NPY: variants seen among roughly 807,000 people sequenced by gnomAD.
The protein encoded by NPY is neuropeptide Y, also known as pro-neuropeptide Y.
A neutral mutation model predicts 13.2 loss-of-function variants in NPY; 11 were observed. The observed-to-expected ratio is 0.83, with a 90% CI of 0.52 to 1.38. The LOEUF is 1.38. Among genes scored for constraint, NPY ranks in the 40% most tolerant of loss-of-function variants. The pLI, the probability that NPY is intolerant of heterozygous loss-of-function variation, is 0.00. For synonymous variants in NPY, 51 were observed against 55.6 expected (o/e 0.92, Z 0.37); for missense variants, 109 against 125.1 (o/e 0.87, Z 0.61).
intron 1 of NPY, chr7:24,284,972 T>C (rs1274873523): frequency 7.3e-6 from 4 of 550,030 alleles, no homozygotes; most frequent in Non-Finnish European, 6.5e-6. Flanking sequence ...CCTTGCACTC[T>C]CGCCGCGCGC....
At chr7:24,286,173 GA>G (rs1787368924) in intron 2 of NPY, among the ~76,000 whole-genome samples, 1 of 152,134 alleles carries the variant, frequency 6.6e-6, no homozygotes, top group Non-Finnish European at 1.5e-5. Flanking sequence ...TGAATTCAGG[GA>G]TTACATGGAA....
At chr7:24,290,496 C>G (rs1223705595) in intron 3 of NPY, among the ~76,000 whole-genome samples, 1 of 152,128 alleles carries the variant, frequency 6.6e-6, no homozygotes, top group African/African-American at 2.4e-5. Flanking sequence ...GGCTCTCCAT[C>G]AAGTTCTCCC....
rs1583569775 is a variant in NPY at position 24,285,078 on chromosome 7, T to G, written c.1-163T>G. ...CGGACGGCGCCCGGAGCCCGCAAGG[T>G]GGTGCTAGCCACTCCTGGGTTCTCT... On this transcript the variant is annotated intron_variant, in intron 1 of 3. Coordinates refer to ENST00000242152, the MANE Select transcript of NPY (RefSeq NM_000905.4). The surrounding 1 kb of genome is among the most constrained non-coding windows in gnomAD (Gnocchi z 4.9). 2.8e-6 allele frequency: 2 copies of G among 706,904 alleles called. No individual in the cohort carries two copies. Among genetic ancestry groups the G allele is most frequent in the Non-Finnish European group, 4.7e-6 (2 of 423,244 alleles). The allele number at this position is 706,904 out of a possible 1,614,324, so 43.8% of individuals were successfully genotyped here.
intron 2 of NPY, among the ~76,000 whole-genome samples, chr7:24,286,770 A>G (rs778422784): frequency 7.2e-5 from 11 of 152,250 alleles, no homozygotes; most frequent in Non-Finnish European, 1.5e-4. Context: ...TACTTCCCAG[A>G]AAGTTAATTG....
In NPY at chr7:24,285,442, C is replaced by A; in HGVS notation, c.188+14C>A. 6.2e-7 allele frequency: 1 copy of A among 1,604,608 alleles called. No individual in the cohort carries two copies. Among genetic ancestry groups the A allele is most frequent in the Non-Finnish European group, 8.5e-7 (1 of 1,173,008 alleles). On this transcript the variant is annotated intron_variant, in intron 2 of 3. Coordinates refer to ENST00000242152, the MANE Select transcript of NPY (RefSeq NM_000905.4). This position sits in a 1 kb window ranked among gnomAD's most constrained non-coding sequence, Gnocchi z 4.9. ...CACCAGGCAGAGGTGGGTGGGACCGCGGGACCGATTCCGGGAGCGCCAGTG... is the reference window on the plus strand; with the variant it reads ...CACCAGGCAGAGGTGGGTGGGACCGAGGGACCGATTCCGGGAGCGCCAGTG...
Position 24,291,651 on chromosome 7 carries a change from T to C in NPY, c.270-12T>C, listed in dbSNP as rs903538901. The C allele has an allele frequency of 3.7e-6, 6 of 1,614,078 alleles. No individual in the cohort carries two copies. Among genetic ancestry groups the C allele is most frequent in the Non-Finnish European group, 5.1e-6 (6 of 1,179,982 alleles). ...AGCTTTCCTTACATGCTTTGCTTCT[T>C]ATGTTTTACAGGCTTGAAGACCCTG... On this transcript the variant is annotated splice_polypyrimidine_tract_variant and intron_variant, in intron 3 of 3. Transcript: ENST00000242152.
intron 3 of NPY, among the ~76,000 whole-genome samples, chr7:24,290,102 T>C (rs534202774): frequency 1.3e-5 from 2 of 152,318 alleles, no homozygotes; most frequent in Middle Eastern, 3.4e-3. Context: ...TTGTGTCATA[T>C]AGTGATTTAT....
chr7:24,287,052 T>C (rs183541773), intron 2 of NPY, among the ~76,000 whole-genome samples: 10 of 152,348 alleles, frequency 6.6e-5, no homozygotes, highest in Admixed American at 6.5e-4. Context: ...TCACAAATCA[T>C]GAAGCTAATG....
rs762581763 is a variant in NPY, at chr7:24,291,652, A to G, written c.270-11A>G. ...GCTTTCCTTACATGCTTTGCTTCTT[A>G]TGTTTTACAGGCTTGAAGACCCTGC... On this transcript the variant is annotated splice_polypyrimidine_tract_variant and intron_variant, in intron 3 of 3. Coordinates refer to ENST00000242152, the MANE Select transcript of NPY (RefSeq NM_000905.4). 6.2e-7 allele frequency: 1 copy of G among 1,613,996 alleles called. No individual in the cohort carries two copies. The highest frequency in any genetic ancestry group is 8.5e-7 in the Non-Finnish European group (1 of 1,179,964).
rs922352400 is a variant in NPY at position 24,285,726 on chromosome 7, G to C, written c.188+298G>C. Among the ~76,000 whole-genome samples the C allele has an allele frequency of 3.7e-4, 56 of 152,158 alleles. No individual in the cohort carries two copies. The highest frequency in any genetic ancestry group is 1.3e-3 in the African/African-American group (55 of 41,504). On this transcript the variant is annotated intron_variant, in intron 2 of 3. Transcript: ENST00000242152. The surrounding 1 kb of genome is among the most constrained non-coding windows in gnomAD (Gnocchi z 4.9). ...TCTTATGGTTTGTTGTGGTTCTTAC[G>C]GCAGTGGGGCCCGGTCCAGAAATCT...
rs908301698 is a variant in NPY at position 24,285,003 on chromosome 7, G to A, written c.1-238G>A. 8.7e-6 allele frequency: 5 copies of A among 577,110 alleles called. No individual in the cohort carries two copies. Among genetic ancestry groups the A allele is most frequent in the South Asian group, 4.1e-5 (2 of 48,818 alleles). 35.7% of individuals were successfully genotyped at this position (577,110 alleles called of 1,614,324 possible). On this transcript the variant is annotated intron_variant, in intron 1 of 3. Coordinates refer to ENST00000242152, the MANE Select transcript of NPY (RefSeq NM_000905.4). The surrounding 1 kb of genome is among the most constrained non-coding windows in gnomAD (Gnocchi z 4.9). ...CGCGCTTCTTGGTCCCTGAGACTTC[G>A]AACGAAGTTGCGCGAAGTTTTCAGG...
Position 24,289,285 on chromosome 7 carries a change from T to G in NPY, c.189-214T>G, listed in dbSNP as rs549636455. On this transcript the variant is annotated intron_variant, in intron 2 of 3. Transcript: ENST00000242152. ...ATAACCTCCTAGATTATTTATTATT[T>G]GAGCAAAGTTTAAATATATATACAA... Among the ~76,000 whole-genome samples, 17 of 152,318 alleles carry G rather than the reference T, an allele frequency of 1.1e-4. No homozygotes were observed. The East Asian group carries it at 2.7e-3, about 24-fold the overall frequency.
At chr7:24,286,728 A>G (rs1787396735) in intron 2 of NPY, among the ~76,000 whole-genome samples, 3 of 152,240 alleles carry the variant, frequency 2.0e-5, no homozygotes, top group Non-Finnish European at 4.4e-5. Context: ...GATCATTTTA[A>G]TTAGCAAAAA....
chr7:24,288,605 TG>T, intron 2 of NPY, among the ~76,000 whole-genome samples: 1 of 150,198 alleles, frequency 6.7e-6, no homozygotes, highest in Non-Finnish European at 1.5e-5. Context: ...TGTAGTGTTC[TG>T]GAGTGGGGAG....
At chr7:24,289,706 T>A in intron 3 of NPY, 127 bp downstream of exon 3, 1 of 572,958 alleles carries the variant, frequency 1.7e-6, no homozygotes, top group Non-Finnish European at 3.0e-6. Flanking sequence ...TCGGCAGAAA[T>A]GAGGATGAAG....
intron 1 of NPY, among the ~76,000 whole-genome samples, chr7:24,284,643 T>A (rs1406433020): frequency 6.6e-6 from 1 of 151,908 alleles, no homozygotes; most frequent in South Asian, 2.1e-4. Flanking sequence ...GGTAGGAAGG[T>A]TTCCCCGGCA....
chr7:24,291,517 A>G (rs952318911), intron 3 of NPY, 146 bp from the exon 4 acceptor site: 1 of 848,822 alleles, frequency 1.2e-6, no homozygotes, highest in Admixed American at 2.4e-5. Context: ...CTGATATTCC[A>G]CATGGCTTCT....
chr7:24,285,256 C>A lies in NPY; in HGVS notation c.16C>A (p.Arg6=), dbSNP rs1352332920. The change falls in exon 2 of 4, where the codon CGA becomes AGA. Residue 6 remains arginine (R), a synonymous_variant. Transcript: ENST00000242152. This position sits in a 1 kb window ranked among gnomAD's most constrained non-coding sequence, Gnocchi z 4.9. ...GTGCCTGCAGATGCTAGGTAACAAGCGACTGGGGCTGTCCGGACTGACCCT... is the reference window on the plus strand; with the variant it reads ...GTGCCTGCAGATGCTAGGTAACAAGAGACTGGGGCTGTCCGGACTGACCCT... MLGNK[R]LGLSGLTLAL... 1.2e-6 allele frequency: 2 copies of A among 1,614,052 alleles called. No individual in the cohort carries two copies. The highest frequency in any genetic ancestry group is 1.7e-6 in the Non-Finnish European group (2 of 1,179,964).
chr7:24,288,562 G>A (rs1787475064), intron 2 of NPY, among the ~76,000 whole-genome samples: 1 of 151,884 alleles, frequency 6.6e-6, no homozygotes, highest in South Asian at 2.1e-4. Context: ...CTCTTCAAAA[G>A]ACGCAATTTG....
Sources: gnomAD v4.1 joint callset for allele counts (sites outside exome capture counted in the v4.1 genomes callset) on GRCh38, gnomAD v4.1.1 for gene constraint, Gnocchi (gnomAD v3.1) non-coding constraint, MANE v1.5 for transcripts, NCBI Gene and HGNC (gene_info 2026-07-23, HGNC 2026-07-21) for gene names.